Variants in FNDC3A observed in about 807,000 individuals in gnomAD.
The protein encoded by FNDC3A is fibronectin type III domain containing 3A.
A neutral mutation model predicts 148.9 loss-of-function variants in FNDC3A; 32 were observed. That is an observed-to-expected ratio of 0.21 (90% CI 0.16 to 0.29). The LOEUF is 0.29. Ranked by LOEUF, FNDC3A falls within the 10% of genes least tolerant of loss-of-function variation. The pLI, the probability that FNDC3A is intolerant of heterozygous loss-of-function variation, is 1.00. For missense variants in FNDC3A, 1,191 were observed against 1,452.8 expected (o/e 0.82, Z 2.93); for synonymous variants, 472 against 473.6 (o/e 1.00, Z 0.04).
At chr13:49,104,496 CCCAGGTG>C (rs1880042497) in intron 3 of FNDC3A, among the ~76,000 whole-genome samples, 3 of 44 alleles carry the variant, frequency 0.068, no homozygotes, top group Non-Finnish European at 0.15. Context: ...TGCACTCCAG[CCCAGGTG>C]GCCCAGGTGA....
intron 10 of FNDC3A, among the ~76,000 whole-genome samples, chr13:49,169,865 A>G (rs1051593579): frequency 8.5e-5 from 13 of 152,184 alleles, no homozygotes; most frequent in African/African-American, 2.4e-4. Flanking sequence ...ACATATATTC[A>G]TGTGTGATAA....
chr13:49,057,939 C>G (rs904086853), intron 2 of FNDC3A, among the ~76,000 whole-genome samples: 1 of 152,048 alleles, frequency 6.6e-6, no homozygotes, highest in African/African-American at 2.4e-5. Context: ...TATCTCCCCC[C>G]CAAAATTTAT....
intron 7 of FNDC3A, among the ~76,000 whole-genome samples, chr13:49,142,659 C>A (rs531460109): frequency 1.3e-5 from 2 of 152,238 alleles, no homozygotes; most frequent in Non-Finnish European, 2.9e-5. Flanking sequence ...TACATATGAA[C>A]ATGCCTTGGA....
intron 2 of FNDC3A, among the ~76,000 whole-genome samples, chr13:49,058,573 A>T (rs1176400119): frequency 7.9e-5 from 12 of 152,158 alleles, no homozygotes. Context: ...GCACAAGGGA[A>T]ATAGGTAAGG....
chr13:49,143,978 TTACTAC>T lies in FNDC3A; in HGVS notation c.820-1771_820-1766del, dbSNP rs71188348. On this transcript the variant is annotated intron_variant, in intron 7 of 25. Transcript: ENST00000492622. The stretch of plus-strand genomic sequence containing the variant: ...TGGGCAACATAGCAAGACCCCATCT[TTACTAC>T]TACTACTACTACTACTACTACTACT... Among the ~76,000 whole-genome samples the T allele has an allele frequency of 3.9e-3, 537 of 138,912 alleles. 2 individuals carry two copies. The highest frequency in any genetic ancestry group is 5.5e-3 in the Non-Finnish European group (359 of 64,824). 91.1% of individuals were successfully genotyped at this position (138,912 alleles called of 152,430 possible). A position where few individuals can be genotyped will look rare whatever the true frequency, so the allele number is the denominator to read the frequency against.
chr13:49,137,083 T>C (rs1326496817), intron 6 of FNDC3A, among the ~76,000 whole-genome samples: 7 of 151,708 alleles, frequency 4.6e-5, no homozygotes, highest in Non-Finnish European at 7.4e-5. Flanking sequence ...CATCTTGGCC[T>C]CTCAAAGTGC....
At chr13:49,069,419 T>TC (rs1877494916) in intron 2 of FNDC3A, among the ~76,000 whole-genome samples, 1 of 152,064 alleles carries the variant, frequency 6.6e-6, no homozygotes, top group Admixed American at 6.6e-5. Context: ...CTTCCCGTGT[T>TC]CCCCCACCCC....
intron 14 of FNDC3A, among the ~76,000 whole-genome samples, chr13:49,181,880 G>T (rs1381093453): frequency 6.6e-6 from 1 of 152,046 alleles, no homozygotes; most frequent in Admixed American, 6.6e-5. Context: ...AGAGCTCTAG[G>T]TTCTACACTG....
At chr13:49,028,145 G>A (rs1197968213) in intron 2 of FNDC3A, among the ~76,000 whole-genome samples, 1 of 151,978 alleles carries the variant, frequency 6.6e-6, no homozygotes, top group Non-Finnish European at 1.5e-5. Context: ...AACCCCGGAG[G>A]CAGAGGTTGC....
intron 9 of FNDC3A, among the ~76,000 whole-genome samples, chr13:49,168,154 G>A (rs1198354852): frequency 6.6e-6 from 1 of 152,106 alleles, no homozygotes; most frequent in African/African-American, 2.4e-5. Context: ...ATGTGGTTGG[G>A]ATTATTTCTG....
chr13:49,181,742 G>C (rs960495081), intron 14 of FNDC3A, among the ~76,000 whole-genome samples: 2 of 151,336 alleles, frequency 1.3e-5, no homozygotes, highest in African/African-American at 4.9e-5. Flanking sequence ...AGAACACTTT[G>C]AGAAAAGCTA....
intron 3 of FNDC3A, among the ~76,000 whole-genome samples, chr13:49,085,600 C>T (rs1029567773): frequency 2.6e-5 from 4 of 152,140 alleles, no homozygotes; most frequent in Non-Finnish European, 4.4e-5. Flanking sequence ...ATAGTCACTA[C>T]AACTTTTGCT....
chr13:49,008,282 T>G (rs768134609), intron 2 of FNDC3A, among the ~76,000 whole-genome samples: 5 of 152,158 alleles, frequency 3.3e-5, no homozygotes, highest in Non-Finnish European at 7.4e-5. Flanking sequence ...TGTAAGGGAC[T>G]ATATACAAAG....
At chr13:49,150,208 G>C (rs1235913898) in intron 8 of FNDC3A, among the ~76,000 whole-genome samples, 4 of 151,942 alleles carry the variant, frequency 2.6e-5, no homozygotes, top group African/African-American at 9.7e-5. Flanking sequence ...CAAGTACCTG[G>C]GACTGTAGGT....
intron 5 of FNDC3A, among the ~76,000 whole-genome samples, chr13:49,134,766 C>T (rs1462571414): frequency 1.0e-4 from 9 of 88,610 alleles, no homozygotes; most frequent in Admixed American, 2.4e-4. Flanking sequence ...ATCATCTTTT[C>T]ATGTGCTTAT....
Position 49,167,230 on chromosome 13 carries a change from CCTTTTTT to C in FNDC3A, c.978-12_978-6del. On this transcript the variant is annotated splice_polypyrimidine_tract_variant and splice_region_variant and intron_variant, in intron 8 of 25. Transcript: ENST00000492622. ...TTATTTATCAGACATGATATATTAC[CCTTTTTT>C]CCCCAGAGGAGAAGAAACAAATATC... 1 of 1,557,436 alleles carries C rather than the reference CCTTTTTT, an allele frequency of 6.4e-7. No homozygotes were observed. The highest frequency in any genetic ancestry group is 8.8e-7 in the Non-Finnish European group (1 of 1,134,842).
At chr13:48,999,970 T>G (rs1462316835) in intron 1 of FNDC3A, among the ~76,000 whole-genome samples, 2 of 152,136 alleles carry the variant, frequency 1.3e-5, no homozygotes, top group Middle Eastern at 3.4e-3. Context: ...ACTTTTGTGG[T>G]TTTTTTTAAA....
chr13:49,097,498 G>T (rs1879608434), intron 3 of FNDC3A, among the ~76,000 whole-genome samples: 1 of 152,034 alleles, frequency 6.6e-6, no homozygotes, highest in African/African-American at 2.4e-5. Context: ...ATGACAGAAT[G>T]AAAGGTTATT....
intron 15 of FNDC3A, 31 bp from the exon 16 acceptor site, chr13:49,187,090 CT>C (rs1566315309): frequency 6.6e-7 from 1 of 1,509,788 alleles, no homozygotes; most frequent in Admixed American, 1.8e-5. Flanking sequence ...TGTTTTGTAC[CT>C]TGCCTAATAC....
Sources: allele counts gnomAD v4.1 joint callset (sites outside exome capture counted in the v4.1 genomes callset), GRCh38; gene constraint gnomAD v4.1.1; transcripts MANE v1.5; gene names NCBI Gene and HGNC (gene_info 2026-07-23, HGNC 2026-07-21).